Variants in PI4K2B observed in about 807,000 individuals in gnomAD.
PI4K2B encodes the protein phosphatidylinositol 4-kinase type 2-beta.
A neutral mutation model predicts 56.6 loss-of-function variants in PI4K2B; 46 were observed. The ratio of observed to expected loss-of-function variants is 0.81; its 90% CI spans 0.64 to 1.04. The LOEUF (loss-of-function observed/expected upper bound fraction) is 1.04, where lower values mean the gene tolerates loss of function less well. Among genes scored for constraint, PI4K2B ranks in the 50% least tolerant of loss-of-function variants. The pLI is 0.00. For missense variants in PI4K2B, 556 were observed against 607.7 expected, an observed-to-expected ratio of 0.91 and a Z score of 0.89; for synonymous variants, 211 against 223.8, an observed-to-expected ratio of 0.94 and a Z score of 0.51.
rs1401630378 is a variant in PI4K2B at position 25,234,093 on chromosome 4, C to T, written c.-71C>T. On this transcript the variant is annotated 5_prime_UTR_variant, in exon 1 of 10. Coordinates refer to ENST00000264864, the MANE Select transcript of PI4K2B (RefSeq NM_018323.4). ...CTACCCGGTCGCTCCCGTTCCGCGC[C>T]ATGCAGAGCCCAGTCTCTGGCACCT... 1.7e-6 allele frequency: 2 copies of T among 1,199,052 alleles called. No individual in the cohort carries two copies. The highest frequency in any genetic ancestry group is 2.1e-6 in the Non-Finnish European group (2 of 953,914). The allele number at this position is 1,199,052 out of a possible 1,614,324, so 74.3% of individuals were successfully genotyped here.
chr4:25,275,170 CTG>C (rs1717050519), intron 9 of PI4K2B, among the ~76,000 whole-genome samples: 1 of 152,142 alleles, frequency 6.6e-6, no homozygotes, highest in Admixed American at 6.5e-5. Context: ...AAAATATTAA[CTG>C]TTACTTAAAT....
intron 3 of PI4K2B, among the ~76,000 whole-genome samples, chr4:25,255,510 C>T (rs755175406): frequency 6.6e-6 from 1 of 152,140 alleles, no homozygotes; most frequent in Non-Finnish European, 1.5e-5. Context: ...AAAGAACTAG[C>T]ATTCAGAAGG....
At chr4:25,275,447 C>A (rs951978001) in intron 9 of PI4K2B, among the ~76,000 whole-genome samples, 1 of 151,950 alleles carries the variant, frequency 6.6e-6, no homozygotes, top group African/African-American at 2.4e-5. Context: ...GTGGATCTCT[C>A]GAGCCTAGGA....
At chr4:25,265,883 TCTGA>T (rs1716647700) in intron 7 of PI4K2B, among the ~76,000 whole-genome samples, 1 of 152,270 alleles carries the variant, frequency 6.6e-6, no homozygotes, top group Non-Finnish European at 1.5e-5. Flanking sequence ...TTACTTATTT[TCTGA>T]CTATTTAATC....
intron 4 of PI4K2B, among the ~76,000 whole-genome samples, 183 bp from the exon 5 acceptor site, chr4:25,258,854 T>G (rs1195846953): frequency 6.6e-6 from 1 of 152,244 alleles, no homozygotes; most frequent in African/African-American, 2.4e-5. Flanking sequence ...GTATTCTTTA[T>G]GTGATTATTT....
chr4:25,252,893 G>A (rs1577685794), intron 2 of PI4K2B, among the ~76,000 whole-genome samples: 1 of 152,202 alleles, frequency 6.6e-6, no homozygotes, highest in Admixed American at 6.5e-5. Context: ...GATTACAGGT[G>A]TGAGCCACTG....
intron 4 of PI4K2B, 41 bp from the exon 5 acceptor site, chr4:25,258,990 CCTTGTT>C (rs2109017208): frequency 1.0e-6 from 1 of 960,884 alleles, no homozygotes; most frequent in East Asian, 2.4e-5. Context: ...ATATTAATCC[CCTTGTT>C]CTTGTACTTT....
intron 9 of PI4K2B, chr4:25,276,402 A>G: frequency 7.6e-6 from 2 of 262,866 alleles, no homozygotes; most frequent in Non-Finnish European, 1.2e-5. Context: ...CAAATTCTCT[A>G]ACCTATTTGC....
intron 1 of PI4K2B, among the ~76,000 whole-genome samples, chr4:25,249,266 C>T (rs2109093034): frequency 6.6e-6 from 1 of 152,304 alleles, no homozygotes; most frequent in Middle Eastern, 3.4e-3. Flanking sequence ...CACATTTCCC[C>T]CTTATCTATT....
In PI4K2B at chr4:25,276,400, C is replaced by G. The variant is rs190243173; in HGVS notation, c.1273-614C>G. 3.7e-4 allele frequency: 101 copies of G among 270,792 alleles called. No homozygotes were observed. The East Asian group carries it at 4.7e-3, about 13-fold the overall frequency. 16.8% of individuals were successfully genotyped at this position (270,792 alleles called of 1,614,324 possible). On this transcript the variant is annotated intron_variant, in intron 9 of 9. Coordinates refer to ENST00000264864, the MANE Select transcript of PI4K2B (RefSeq NM_018323.4). ...TGAAATGACTGCCTTCCCAAATTCT[C>G]TAACCTATTTGCCCTGCTTCATGCT...
At chr4:25,270,775 A>G (rs1273954866) in intron 9 of PI4K2B, among the ~76,000 whole-genome samples, 1 of 152,206 alleles carries the variant, frequency 6.6e-6, no homozygotes, top group Admixed American at 6.5e-5. Flanking sequence ...TATGAATGGT[A>G]TTTCTATTCC....
intron 9 of PI4K2B, among the ~76,000 whole-genome samples, chr4:25,271,047 G>T (rs1416481078): frequency 2.6e-5 from 4 of 152,174 alleles, no homozygotes; most frequent in African/African-American, 9.7e-5. Flanking sequence ...ATGGAGTTTT[G>T]CTCTGCAGAG....
chr4:25,234,145 G>C lies in PI4K2B; in HGVS notation c.-19G>C. The C allele has an allele frequency of 7.6e-6, 10 of 1,321,164 alleles. No homozygotes were observed. The highest frequency in any genetic ancestry group is 9.7e-6 in the Non-Finnish European group (10 of 1,031,960). 81.8% of individuals were successfully genotyped at this position (1,321,164 alleles called of 1,614,324 possible). A position where few individuals can be genotyped will look rare whatever the true frequency, so the allele number is the denominator to read the frequency against. On this transcript the variant is annotated 5_prime_UTR_variant, in exon 1 of 10. Coordinates refer to ENST00000264864, the MANE Select transcript of PI4K2B (RefSeq NM_018323.4). ...GCTGCTCTGATCTGGTCTCAGCGCG[G>C]AGGGAGCAGAGGGAGTCCATGGAGG...
rs567693722 is a variant in PI4K2B, at chr4:25,269,406, G to C, written c.1272+203G>C. Among the ~76,000 whole-genome samples the C allele has an allele frequency of 8.4e-3, 1,286 of 152,198 alleles. 9 individuals are homozygous for C. The highest frequency in any genetic ancestry group is 0.028 in the African/African-American group (1,180 of 41,538). On this transcript the variant is annotated intron_variant, in intron 9 of 9. Coordinates refer to ENST00000264864, the MANE Select transcript of PI4K2B (RefSeq NM_018323.4). The stretch of plus-strand genomic sequence containing the variant: ...AATCCCAGTGCTTTGGGAGGCCAAG[G>C]CGGGTGAATCACCTGAGGTCAGGAG...
chr4:25,271,402 T>G (rs1716883188), intron 9 of PI4K2B, among the ~76,000 whole-genome samples: 3 of 152,210 alleles, frequency 2.0e-5, no homozygotes, highest in African/African-American at 7.2e-5. Flanking sequence ...AAGATAGGAT[T>G]TATATCTCAG....
intron 1 of PI4K2B, among the ~76,000 whole-genome samples, chr4:25,246,034 C>G (rs749717799): frequency 6.6e-6 from 1 of 152,142 alleles, no homozygotes; most frequent in Admixed American, 6.5e-5. Context: ...TTCTGATGTT[C>G]GGATGTGTTC....
intron 4 of PI4K2B, among the ~76,000 whole-genome samples, chr4:25,257,469 A>G (rs539684442): frequency 6.6e-6 from 1 of 152,306 alleles, no homozygotes; most frequent in Admixed American, 6.5e-5. Flanking sequence ...GACTTGGTAC[A>G]TAGTAAAGGT....
intron 1 of PI4K2B, among the ~76,000 whole-genome samples, chr4:25,250,126 G>A (rs1012825864): frequency 1.3e-5 from 2 of 152,172 alleles, no homozygotes; most frequent in African/African-American, 4.8e-5. Context: ...GGCTGAGGCG[G>A]GAGAATCAGG....
intron 9 of PI4K2B, among the ~76,000 whole-genome samples, chr4:25,273,570 A>G (rs1296506066): frequency 6.6e-6 from 1 of 152,168 alleles, no homozygotes; most frequent in Non-Finnish European, 1.5e-5. Context: ...CTTTGGCTCA[A>G]AGGGCTTTAA....
Sources: gnomAD v4.1 joint callset for allele counts (sites outside exome capture counted in the v4.1 genomes callset) on GRCh38, gnomAD v4.1.1 for gene constraint, MANE v1.5 for transcripts, NCBI Gene and HGNC (gene_info 2026-07-23, HGNC 2026-07-21) for gene names.